Variants in SMCO4 observed in about 807,000 individuals in gnomAD.
SMCO4 encodes single-pass membrane and coiled-coil domain-containing protein 4.
In SMCO4, 4 loss-of-function variants were observed where a neutral mutation model predicts 3.6. The ratio of observed to expected loss-of-function variants is 1.11; its 90% confidence interval spans 0.54 to 2.53. The LOEUF is 2.53. Ranked by LOEUF, SMCO4 falls within the 30% of genes most tolerant of loss-of-function variation. The pLI is 0.02. For missense variants in SMCO4, 70 were observed against 80.8 expected (o/e 0.87, Z 0.51); for synonymous variants, 36 against 35.3 (o/e 1.02, Z -0.07).
At chr11:93,535,335 C>A in intron 1 of SMCO4, 1 of 594,150 alleles carries the variant, frequency 1.7e-6, no homozygotes, top group Non-Finnish European at 2.9e-6. Context: ...GGGTTTGGTT[C>A]CCTCATCTTC....
intron 1 of SMCO4, among the ~76,000 whole-genome samples, chr11:93,541,553 C>T (rs1430815441): frequency 1.3e-5 from 2 of 152,142 alleles, no homozygotes; most frequent in Non-Finnish European, 2.9e-5. Context: ...AATCCAACTC[C>T]AAGCTTGAGC....
intron 1 of SMCO4, among the ~76,000 whole-genome samples, chr11:93,539,413 C>T (rs990751872): frequency 6.6e-6 from 1 of 152,166 alleles, no homozygotes; most frequent in African/African-American, 2.4e-5. Flanking sequence ...GAAAACAGTA[C>T]ATTTAGGAAG....
rs1949026540 is a variant in SMCO4 at position 93,518,234 on chromosome 11, T to C, written c.-153-18886A>G. Among the ~76,000 whole-genome samples, 5 of 152,250 alleles carry C rather than the reference T, an allele frequency of 3.3e-5. 1 individual carries two copies. In the South Asian group the frequency reaches 1.0e-3, roughly 31 times the overall value. On this transcript the variant is annotated intron_variant, in intron 1 of 2. Transcript: ENST00000298966. ...TTTGGTGTTTGGTTTCTCTTACAAA[T>C]AACATGTTCTTGCGGTTTATGCAAG...
At chr11:93,488,589 C>T (rs1299455940) in intron 2 of SMCO4, among the ~76,000 whole-genome samples, 2 of 151,964 alleles carry the variant, frequency 1.3e-5, no homozygotes, top group Non-Finnish European at 2.9e-5. Context: ...CAGGCCTGCG[C>T]AACTGGAAGA....
At chr11:93,523,384 A>C (rs1269720281) in intron 1 of SMCO4, 1 of 152,504 alleles carries the variant, frequency 6.6e-6, no homozygotes, top group African/African-American at 2.4e-5. Context: ...CACGCCGGGC[A>C]TAGTGGCTCA....
intron 1 of SMCO4, among the ~76,000 whole-genome samples, chr11:93,505,259 A>G (rs534896002): frequency 6.6e-6 from 1 of 152,324 alleles, no homozygotes; most frequent in African/African-American, 2.4e-5. Context: ...AGCACTGTCT[A>G]CTTTCCTACA....
chr11:93,539,155 C>A (rs1055792852), intron 1 of SMCO4, among the ~76,000 whole-genome samples: 7 of 152,084 alleles, frequency 4.6e-5, no homozygotes, highest in African/African-American at 1.7e-4. Flanking sequence ...ACTGTGAGGA[C>A]CGAATCCAAG....
In SMCO4 at chr11:93,479,950, C is replaced by T. The variant is rs61918463; in HGVS notation, c.-80-681G>A. Reference sequence around the variant, plus strand: ...GGGTCACAGTAATAATGAAGGGAGACGGCTGAGCCCACAGTCCTGCCACCC... The same window carrying T: ...GGGTCACAGTAATAATGAAGGGAGATGGCTGAGCCCACAGTCCTGCCACCC... On this transcript the variant is annotated intron_variant, in intron 2 of 2. Coordinates refer to ENST00000298966, the MANE Select transcript of SMCO4 (RefSeq NM_020179.3). Among the ~76,000 whole-genome samples the T allele has an allele frequency of 1.0e-2, 1,518 of 152,212 alleles. 16 individuals are homozygous for T. Among genetic ancestry groups the T allele is most frequent in the Non-Finnish European group, 0.016 (1,063 of 68,012 alleles).
rs181206131 is a variant in SMCO4, at chr11:93,528,975, C to T, written c.-154+14301G>A. On this transcript the variant is annotated intron_variant, in intron 1 of 2. Coordinates refer to ENST00000298966, the MANE Select transcript of SMCO4 (RefSeq NM_020179.3). ...CATGTCAGCAGAGACAAAAGCCACC[C>T]CTGGGCATAGGACAAGGAGGCTGTC... is the stretch of plus-strand genomic sequence containing the variant. 7.4e-4 allele frequency among the ~76,000 whole-genome samples: 112 copies of T among 152,220 alleles called. No homozygotes were observed. The East Asian group carries it at 0.016, about 22-fold the overall frequency.
chr11:93,535,585 A>G, intron 1 of SMCO4: 2 of 1,527,386 alleles, frequency 1.3e-6, no homozygotes, highest in Admixed American at 1.7e-5. Context: ...AACCAAATCC[A>G]TTCCAAAGAA....
At chr11:93,519,131 C>T (rs1265771646) in intron 1 of SMCO4, among the ~76,000 whole-genome samples, 1 of 152,164 alleles carries the variant, frequency 6.6e-6, no homozygotes, top group Non-Finnish European at 1.5e-5. Context: ...AGAACCAACC[C>T]AGGGTGCACA....
At chr11:93,486,085 A>T (rs897906) in intron 2 of SMCO4, among the ~76,000 whole-genome samples, 48,461 of 152,096 alleles carry the variant, frequency 0.32, 8,028 homozygotes, top group East Asian at 0.48. Context: ...CACCCTACAA[A>T]TAAGAACAGC....
upstream of SMCO4, among the ~76,000 whole-genome samples, chr11:93,544,951 C>G (rs561083667): frequency 1.3e-5 from 2 of 152,144 alleles, no homozygotes; most frequent in Non-Finnish European, 2.9e-5. Context: ...GGGGAACACG[C>G]GTGTGTGAGG....
chr11:93,481,424 T>G (rs902001320), intron 2 of SMCO4: 17 of 985,310 alleles, frequency 1.7e-5, no homozygotes, highest in Non-Finnish European at 1.8e-5. Context: ...CCTTGAGTGA[T>G]GCCCACCTTC....
At position 93,514,413 on chromosome 11, in the gene SMCO4, T is replaced by TATATATATATATATATATACAC. The variant is rs781423008; in HGVS notation, c.-153-15066_-153-15065insGTGTATATATATATATATATAT. The stretch of plus-strand genomic sequence containing the variant: ...ATATATATATATATATATATATATA[T>TATATATATATATATATATACAC]ATATATATAAAATTTGGTCTCTTCC... On this transcript the variant is annotated intron_variant, in intron 1 of 2. Transcript: ENST00000298966. Among the ~76,000 whole-genome samples, 18 of 33,962 alleles carry TATATATATATATATATATACAC rather than the reference T, an allele frequency of 5.3e-4. 2 individuals carry two copies. Among genetic ancestry groups the TATATATATATATATATATACAC allele is most frequent in the East Asian group, 6.6e-4 (1 of 1,524 alleles). The allele number at this position is 33,962 out of a possible 152,430, so 22.3% of individuals were successfully genotyped here. A position where few individuals can be genotyped will look rare whatever the true frequency, so the allele number is the denominator to read the frequency against.
intron 1 of SMCO4, among the ~76,000 whole-genome samples, chr11:93,514,397 T>TAC (rs1168339666): frequency 1.2e-5 from 1 of 86,860 alleles, no homozygotes; most frequent in African/African-American, 5.1e-5. Context: ...TATATATATA[T>TAC]ATATATATAT....
chr11:93,487,662 T>C (rs754495551), intron 2 of SMCO4, among the ~76,000 whole-genome samples: 2 of 152,074 alleles, frequency 1.3e-5, no homozygotes, highest in Non-Finnish European at 2.9e-5. Context: ...ATAAGTCACA[T>C]TTTTTTGGCA....
At chr11:93,512,261 C>T (rs1175349270) in intron 1 of SMCO4, among the ~76,000 whole-genome samples, 1 of 152,180 alleles carries the variant, frequency 6.6e-6, no homozygotes, top group African/African-American at 2.4e-5. Flanking sequence ...GCATATATGA[C>T]AGCAGTCCTC....
At chr11:93,504,920 G>C (rs1948884721) in intron 1 of SMCO4, among the ~76,000 whole-genome samples, 1 of 152,210 alleles carries the variant, frequency 6.6e-6, no homozygotes. Context: ...AGCACAGTGA[G>C]TTAGGGCAGT....
Sources: gnomAD v4.1 joint callset for allele counts (sites outside exome capture counted in the v4.1 genomes callset) on GRCh38, gnomAD v4.1.1 for gene constraint, MANE v1.5 for transcripts, NCBI Gene and HGNC (gene_info 2026-07-23, HGNC 2026-07-21) for gene names.